The following ATP9A variants were observed in gnomAD, a reference collection of about 807,000 sequenced individuals.
ATP9A encodes the protein ATPase phospholipid transporting 9A.
A neutral mutation model predicts 144.1 loss-of-function variants in ATP9A; 52 were observed. That is an observed-to-expected ratio of 0.36 (90% CI 0.29 to 0.45). The LOEUF is 0.45. ATP9A is among the 20% of genes least tolerant of loss of function. The pLI, the probability that ATP9A is intolerant of heterozygous loss-of-function variation, is 1.00. For missense variants in ATP9A, 947 were observed against 1,392.7 expected, an observed-to-expected ratio of 0.68 and a Z score of 5.09; for synonymous variants, 582 against 557.4, an observed-to-expected ratio of 1.04 and a Z score of -0.62.
intron 18 of ATP9A, 79 bp downstream of exon 18, chr20:51,625,113 C>A: frequency 7.0e-7 from 1 of 1,427,120 alleles, no homozygotes; most frequent in South Asian, 1.3e-5. Flanking sequence ...CCACCCTTTC[C>A]CCCTGTGATC....
At chr20:51,743,617 C>A (rs975807746) in intron 1 of ATP9A, among the ~76,000 whole-genome samples, 3 of 147,496 alleles carry the variant, frequency 2.0e-5, no homozygotes, top group African/African-American at 4.9e-5. Flanking sequence ...TCAGGCTGGT[C>A]TGGTCTTGAA....
intron 3 of ATP9A, among the ~76,000 whole-genome samples, chr20:51,723,563 C>CTTTTTTT (rs753282602): frequency 7.5e-6 from 1 of 133,242 alleles, no homozygotes; most frequent in Admixed American, 7.8e-5. Context: ...ACAGCAAATT[C>CTTTTTTT]TTTTTTTTTT....
chr20:51,644,606 G>A (rs13039131), intron 14 of ATP9A, among the ~76,000 whole-genome samples: 3,216 of 152,126 alleles, frequency 0.021, 55 homozygotes, highest in East Asian at 0.042. Context: ...TGTTTCAAAC[G>A]TGTATACGCA....
intron 1 of ATP9A, among the ~76,000 whole-genome samples, chr20:51,745,105 C>T (rs2077802090): frequency 6.6e-6 from 1 of 151,966 alleles, no homozygotes; most frequent in Non-Finnish European, 1.5e-5. Context: ...GAAACCCTGC[C>T]GTCTCTACTA....
chr20:51,647,100 C>T (rs1013991729), intron 14 of ATP9A, among the ~76,000 whole-genome samples: 1 of 152,072 alleles, frequency 6.6e-6, no homozygotes, highest in Non-Finnish European at 1.5e-5. Flanking sequence ...GCTTGGGCAA[C>T]AGAGCAAGAC....
chr20:51,736,388 C>A (rs2077762681), intron 1 of ATP9A, among the ~76,000 whole-genome samples: 1 of 152,028 alleles, frequency 6.6e-6, no homozygotes, highest in African/African-American at 2.4e-5. Flanking sequence ...GTCCCCCAGG[C>A]CACTGGTCAG....
chr20:51,744,222 G>A (rs1038962308), intron 1 of ATP9A, among the ~76,000 whole-genome samples: 2 of 152,046 alleles, frequency 1.3e-5, no homozygotes, highest in African/African-American at 4.8e-5. Context: ...CTGGAATGCA[G>A]TGGCCCAATC....
At chr20:51,688,438 CA>C in intron 9 of ATP9A, among the ~76,000 whole-genome samples, 1 of 151,958 alleles carries the variant, frequency 6.6e-6, no homozygotes, top group African/African-American at 2.4e-5. Context: ...ACTAAAAATA[CA>C]AAAATTAGCC....
rs141079518 is a variant in ATP9A, at chr20:51,727,623, T to A, written c.214-1691A>T. ...TGAAACCCCATCTCAAAAAATAAAA[T>A]AAAAAATAATTTTTAAAAAGTTAAA... On this transcript the variant is annotated intron_variant, in intron 2 of 27. Coordinates refer to ENST00000338821, the MANE Select transcript of ATP9A (RefSeq NM_006045.3). Among the ~76,000 whole-genome samples, 9 of 151,456 alleles carry A rather than the reference T, an allele frequency of 5.9e-5. No individual in the cohort carries two copies. The East Asian group carries it at 1.8e-3, about 30-fold the overall frequency.
chr20:51,670,978 C>T, intron 12 of ATP9A, 137 bp downstream of exon 12: 1 of 999,164 alleles, frequency 1.0e-6, no homozygotes, highest in South Asian at 1.7e-5. Flanking sequence ...AAAGAATCTT[C>T]ATCAAAAGAT....
At chr20:51,708,534 A>T (rs2077624197) in intron 4 of ATP9A, among the ~76,000 whole-genome samples, 1 of 151,944 alleles carries the variant, frequency 6.6e-6, no homozygotes. Flanking sequence ...TAGGAGCTCG[A>T]GACCAGCCTG....
chr20:51,693,205 A>G (rs572297855), intron 7 of ATP9A, among the ~76,000 whole-genome samples: 34 of 152,364 alleles, frequency 2.2e-4, no homozygotes, highest in Middle Eastern at 3.4e-3. Context: ...TGAGTGAAGC[A>G]GGGATGCAGG....
At chr20:51,669,771 G>A (rs989995599) in intron 13 of ATP9A, among the ~76,000 whole-genome samples, 6 of 152,140 alleles carry the variant, frequency 3.9e-5, no homozygotes, top group African/African-American at 9.7e-5. Context: ...GGGTATAGAA[G>A]GGAGGTATTG....
intron 6 of ATP9A, 68 bp from the exon 7 acceptor site, chr20:51,694,170 G>A (rs6013259): frequency 0.26 from 326,716 of 1,274,110 alleles, 42,816 homozygotes; most frequent in Non-Finnish European, 0.28. Flanking sequence ...TCTGGGCAGC[G>A]TCTGCTCTGG....
intron 17 of ATP9A, 104 bp downstream of exon 17, chr20:51,627,496 G>A (rs1223866297): frequency 1.1e-5 from 12 of 1,065,944 alleles, no homozygotes; most frequent in Non-Finnish European, 1.7e-5. Flanking sequence ...AGTGTGCCCA[G>A]AAATGACATC....
chr20:51,714,413 ACT>A lies in ATP9A; in HGVS notation c.328-1341_328-1340del, dbSNP rs568042730. Reference sequence around the variant, plus strand: ...GTTGTTGTCATTGTTACAGAGTCTCACTCTGTTACCCAGGATGGAGTGCAGTG... The same window carrying A: ...GTTGTTGTCATTGTTACAGAGTCTCACTGTTACCCAGGATGGAGTGCAGTG... On this transcript the variant is annotated intron_variant, in intron 3 of 27. Coordinates refer to ENST00000338821, the MANE Select transcript of ATP9A (RefSeq NM_006045.3). 2.7e-5 allele frequency among the ~76,000 whole-genome samples: 4 copies of A among 145,706 alleles called. No homozygotes were observed. The East Asian group carries it at 8.4e-4, about 31-fold the overall frequency.
intron 3 of ATP9A, among the ~76,000 whole-genome samples, chr20:51,720,634 T>C (rs1370589695): frequency 1.3e-5 from 2 of 152,082 alleles, no homozygotes; most frequent in Non-Finnish European, 2.9e-5. Flanking sequence ...AGGAGTTTGA[T>C]AGCAGCGTGG....
At chr20:51,605,855 G>C (rs1190110959) in intron 26 of ATP9A, among the ~76,000 whole-genome samples, 1 of 151,232 alleles carries the variant, frequency 6.6e-6, no homozygotes, top group Non-Finnish European at 1.5e-5. Context: ...GGAAGTTGCA[G>C]TAAGCCGAGA....
intron 1 of ATP9A, among the ~76,000 whole-genome samples, chr20:51,738,384 T>C (rs1008281162): frequency 1.3e-5 from 2 of 152,102 alleles, no homozygotes; most frequent in Non-Finnish European, 2.9e-5. Context: ...TTGGGGCAAG[T>C]AGGGCAGCAC....
Sources: allele counts gnomAD v4.1 joint callset (sites outside exome capture counted in the v4.1 genomes callset), GRCh38; gene constraint gnomAD v4.1.1; transcripts MANE v1.5; gene names NCBI Gene and HGNC (gene_info 2026-07-23, HGNC 2026-07-21).